Variants in ATXN7L1 observed in about 807,000 individuals in gnomAD.
ATXN7L1 encodes ataxin 7 like 1, also known as ataxin-7-like protein 1.
ATXN7L1 carries 15 observed loss-of-function variants against 70.8 expected under a neutral mutation model. The observed-to-expected ratio is 0.21, with a 90% CI of 0.14 to 0.33. The LOEUF is 0.33. Ranked by LOEUF, ATXN7L1 falls within the 10% of genes least tolerant of loss-of-function variation. ATXN7L1 has a pLI of 1.00. For missense variants in ATXN7L1, 975 were observed against 1,097.1 expected (o/e 0.89, Z 1.57); for synonymous variants, 440 against 445.1 (o/e 0.99, Z 0.14).
At chr7:105,746,531 A>G (rs1382368904) in intron 3 of ATXN7L1, among the ~76,000 whole-genome samples, 3 of 152,170 alleles carry the variant, frequency 2.0e-5, no homozygotes, top group Admixed American at 6.5e-5. Context: ...AGTATCTACA[A>G]GACCCTCTCG....
chr7:105,707,024 T>C (rs1190184076), intron 3 of ATXN7L1, among the ~76,000 whole-genome samples: 1 of 152,172 alleles, frequency 6.6e-6, no homozygotes, highest in African/African-American at 2.4e-5. Flanking sequence ...TTGGGTGGAA[T>C]TGTTCCATGC....
intron 3 of ATXN7L1, among the ~76,000 whole-genome samples, chr7:105,714,730 T>C (rs775407508): frequency 5.3e-5 from 8 of 152,190 alleles, no homozygotes; most frequent in Non-Finnish European, 1.0e-4. Flanking sequence ...TGGCACCATC[T>C]CGGCTCACTG....
chr7:105,851,769 A>G (rs1814919252), intron 2 of ATXN7L1, among the ~76,000 whole-genome samples: 1 of 152,064 alleles, frequency 6.6e-6, no homozygotes, highest in South Asian at 2.1e-4. Context: ...AAAAGGAAAA[A>G]CCACAGAACC....
chr7:105,790,654 C>CATCTACT (rs1554464697), intron 2 of ATXN7L1, among the ~76,000 whole-genome samples: 4 of 104,954 alleles, frequency 3.8e-5, no homozygotes, highest in South Asian at 3.6e-4. Context: ...ATCTATCTAT[C>CATCTACT]ATCTATCTAC....
At chr7:105,661,347 G>A (rs1584580485) in intron 4 of ATXN7L1, among the ~76,000 whole-genome samples, 1 of 152,268 alleles carries the variant, frequency 6.6e-6, no homozygotes, top group South Asian at 2.1e-4. Flanking sequence ...GCCTAATAGG[G>A]TGGTATTGGA....
chr7:105,790,640 AT>A (rs1232286450), intron 2 of ATXN7L1, among the ~76,000 whole-genome samples: 3 of 148,010 alleles, frequency 2.0e-5, no homozygotes, highest in Non-Finnish European at 4.5e-5. Context: ...CTATCTATCT[AT>A]CTATCTATCT....
intron 4 of ATXN7L1, among the ~76,000 whole-genome samples, chr7:105,654,402 T>C (rs1800303047): frequency 6.6e-6 from 1 of 152,276 alleles, no homozygotes; most frequent in Non-Finnish European, 1.5e-5. Flanking sequence ...TTCATAGATG[T>C]GGAGCCTGAG....
chr7:105,741,998 T>C lies in ATXN7L1; in HGVS notation c.355+46606A>G, dbSNP rs73413216. 9.1e-3 allele frequency among the ~76,000 whole-genome samples: 1,393 copies of C among 152,286 alleles called. 22 individuals carry two copies. Among genetic ancestry groups the C allele is most frequent in the African/African-American group, 0.032 (1,326 of 41,558 alleles). On this transcript the variant is annotated intron_variant, in intron 3 of 11. Transcript: ENST00000419735. ...ACATGTTGATCTTGGACTTCCTGCC[T>C]CCAGAACTGTGAGATACATTTCTGT...
At chr7:105,864,287 C>T (rs1353630131) in intron 2 of ATXN7L1, among the ~76,000 whole-genome samples, 1 of 141,632 alleles carries the variant, frequency 7.1e-6, no homozygotes, top group Non-Finnish European at 1.5e-5. Flanking sequence ...AAGACCTTGT[C>T]TCTACTAAAA....
At chr7:105,643,985 A>C (rs1798631525) in intron 4 of ATXN7L1, among the ~76,000 whole-genome samples, 1 of 152,180 alleles carries the variant, frequency 6.6e-6, no homozygotes, top group Non-Finnish European at 1.5e-5. Context: ...GAGATGAATA[A>C]GCTTTGCTTT....
chr7:105,866,661 G>A (rs1321189280), intron 2 of ATXN7L1, among the ~76,000 whole-genome samples: 1 of 152,186 alleles, frequency 6.6e-6, no homozygotes, highest in Non-Finnish European at 1.5e-5. Context: ...CAGCCAAACG[G>A]CATCAGCTGG....
At chr7:105,672,607 C>T (rs1562984860) in intron 3 of ATXN7L1, among the ~76,000 whole-genome samples, 1 of 152,162 alleles carries the variant, frequency 6.6e-6, no homozygotes, top group East Asian at 1.9e-4. Context: ...TGCTTAAGGT[C>T]ACAGAGCTAG....
chr7:105,775,825 G>A (rs1049810786), intron 3 of ATXN7L1, among the ~76,000 whole-genome samples: 3 of 152,188 alleles, frequency 2.0e-5, no homozygotes, highest in Non-Finnish European at 2.9e-5. Flanking sequence ...GCTGAATTTG[G>A]ATGAGGGCGA....
intron 2 of ATXN7L1, among the ~76,000 whole-genome samples, chr7:105,841,422 A>T (rs1585128800): frequency 6.6e-6 from 1 of 152,374 alleles, no homozygotes; most frequent in East Asian, 1.9e-4. Context: ...ATGGTCCAAA[A>T]ATATTAAGTG....
At chr7:105,738,814 C>G (rs1160291742) in intron 3 of ATXN7L1, among the ~76,000 whole-genome samples, 1 of 152,214 alleles carries the variant, frequency 6.6e-6, no homozygotes, top group African/African-American at 2.4e-5. Flanking sequence ...TCTGGTGCAC[C>G]TTTGCATCCC....
At chr7:105,681,999 A>T (rs1418304547) in intron 3 of ATXN7L1, among the ~76,000 whole-genome samples, 1 of 152,048 alleles carries the variant, frequency 6.6e-6, no homozygotes, top group Non-Finnish European at 1.5e-5. Flanking sequence ...CCGAGGCAGG[A>T]GGATCTTTTG....
intron 3 of ATXN7L1, among the ~76,000 whole-genome samples, chr7:105,692,798 T>C (rs1362193070): frequency 2.0e-5 from 3 of 152,112 alleles, no homozygotes; most frequent in Admixed American, 1.3e-4. Flanking sequence ...AGTGCAGTGG[T>C]GCCATCAGAG....
At chr7:105,797,329 C>T (rs1412428358) in intron 2 of ATXN7L1, among the ~76,000 whole-genome samples, 1 of 152,158 alleles carries the variant, frequency 6.6e-6, no homozygotes, top group South Asian at 2.1e-4. Flanking sequence ...AGGATGTCCG[C>T]CCCCGGACCC....
intron 3 of ATXN7L1, among the ~76,000 whole-genome samples, chr7:105,725,574 T>G (rs1795705993): frequency 6.7e-6 from 1 of 148,440 alleles, no homozygotes; most frequent in Non-Finnish European, 1.5e-5. Flanking sequence ...CAACTTTAAT[T>G]TCCATTTCCT....
Sources: allele counts gnomAD v4.1 joint callset (sites outside exome capture counted in the v4.1 genomes callset), GRCh38; gene constraint gnomAD v4.1.1; transcripts MANE v1.5; gene names NCBI Gene and HGNC (gene_info 2026-07-23, HGNC 2026-07-21).